ROBO1: variants seen among roughly 807,000 people sequenced by gnomAD.
The protein encoded by ROBO1 is roundabout homolog 1.
ROBO1 carries 149 observed loss-of-function variants against 195.9 expected under a neutral mutation model. The ratio of observed to expected loss-of-function variants is 0.76; its 90% CI spans 0.67 to 0.87. ROBO1 has a LOEUF of 0.87. Among genes scored for constraint, ROBO1 ranks in the 40% least tolerant of loss-of-function variants. The probability of loss-of-function intolerance (pLI) is 0.00; values close to 1 mark genes in which losing one functional copy is unlikely to be tolerated. For missense variants in ROBO1, 1,933 were observed against 2,068.3 expected, an observed-to-expected ratio of 0.93 and a Z score of 1.27; for synonymous variants, 816 against 733.2, an observed-to-expected ratio of 1.11 and a Z score of -1.82.
intron 4 of ROBO1, among the ~76,000 whole-genome samples, chr3:78,927,049 G>A (rs2039263295): frequency 6.6e-6 from 1 of 152,050 alleles, no homozygotes; most frequent in African/African-American, 2.4e-5. Context: ...ATTATAAAAA[G>A]CAAAGTTTAG....
intron 4 of ROBO1, among the ~76,000 whole-genome samples, chr3:78,763,127 G>T (rs2083147140): frequency 6.6e-6 from 1 of 152,052 alleles, no homozygotes; most frequent in Admixed American, 6.6e-5. Flanking sequence ...ATCTAACAGG[G>T]ATAAGATACA....
chr3:79,594,316 A>C (rs888781529), intron 1 of ROBO1, among the ~76,000 whole-genome samples: 2 of 152,014 alleles, frequency 1.3e-5, no homozygotes, highest in South Asian at 2.1e-4. Flanking sequence ...AAAAAGCACA[A>C]CACCTTTGAA....
chr3:79,463,635 C>A (rs1473780357), intron 2 of ROBO1, among the ~76,000 whole-genome samples: 1 of 152,022 alleles, frequency 6.6e-6, no homozygotes, highest in Non-Finnish European at 1.5e-5. Context: ...AATCTGCTAA[C>A]CGAAAAAGAT....
intron 1 of ROBO1, among the ~76,000 whole-genome samples, chr3:79,679,121 T>C (rs4856564): frequency 0.91 from 137,649 of 152,062 alleles, 62,472 homozygotes; most frequent in African/African-American, 0.96. Flanking sequence ...AATTAACAAT[T>C]AGTAACATTT....
rs1553747415 is a variant in ROBO1, at chr3:78,849,831, T to TACACATACACACAC, written c.499+88769_499+88770insGTGTGTGTATGTGT. On this transcript the variant is annotated intron_variant, in intron 4 of 30. Coordinates refer to ENST00000464233, the MANE Select transcript of ROBO1 (RefSeq NM_002941.4). ...TTTACAGTCAGTCTCTCTCTCCCATTACACACACACACACACACACACACA... is the reference window on the plus strand; with the variant it reads ...TTTACAGTCAGTCTCTCTCTCCCATTACACATACACACACACACACACACACACACACACACACA... Among the ~76,000 whole-genome samples the TACACATACACACAC allele has an allele frequency of 2.4e-3, 188 of 79,704 alleles. 1 individual carries two copies. Among genetic ancestry groups the TACACATACACACAC allele is most frequent in the African/African-American group, 5.9e-3 (169 of 28,874 alleles). 52.3% of individuals were successfully genotyped at this position (79,704 alleles called of 152,430 possible).
intron 2 of ROBO1, among the ~76,000 whole-genome samples, chr3:79,215,679 C>G (rs2082044145): frequency 6.6e-6 from 1 of 152,162 alleles, no homozygotes; most frequent in Admixed American, 6.5e-5. Context: ...AAATTAAAGT[C>G]TGATTGGTGA....
At chr3:78,986,770 T>C (rs1334061599) in intron 3 of ROBO1, among the ~76,000 whole-genome samples, 2 of 152,132 alleles carry the variant, frequency 1.3e-5, no homozygotes, top group African/African-American at 2.4e-5. Context: ...TTCTGAATAC[T>C]GGGGTTGACG....
At chr3:79,656,627 G>A (rs968675071) in intron 1 of ROBO1, among the ~76,000 whole-genome samples, 2 of 151,946 alleles carry the variant, frequency 1.3e-5, no homozygotes, top group Non-Finnish European at 2.9e-5. Context: ...GGAGGGATGG[G>A]CTCATATCTA....
At chr3:78,943,097 TC>T (rs895157789) in intron 3 of ROBO1, among the ~76,000 whole-genome samples, 10 of 151,812 alleles carry the variant, frequency 6.6e-5, no homozygotes, top group South Asian at 4.2e-4. Context: ...GCGCCTGTAG[TC>T]CCAGCTACTC....
intron 2 of ROBO1, among the ~76,000 whole-genome samples, chr3:79,374,020 C>T (rs1249371268): frequency 1.3e-5 from 2 of 151,980 alleles, no homozygotes; most frequent in Non-Finnish European, 2.9e-5. Flanking sequence ...GTAATTGTAT[C>T]ATAAGATTCT....
rs558483421 is a variant in ROBO1, at chr3:79,425,660, CA to C, written c.88+164163del. ...AAGAATCTGTTGAAGGAGCAAAGAC[CA>C]TGACTAAGGAAAACATACAATGAGA... On this transcript the variant is annotated intron_variant, in intron 2 of 30. Transcript: ENST00000464233. 2.9e-3 allele frequency among the ~76,000 whole-genome samples: 435 copies of C among 151,826 alleles called. 2 individuals are homozygous for C. The highest frequency in any genetic ancestry group is 9.1e-3 in the African/African-American group (377 of 41,432).
chr3:79,280,853 A>T (rs2031451772), intron 2 of ROBO1, among the ~76,000 whole-genome samples: 1 of 152,144 alleles, frequency 6.6e-6, no homozygotes, highest in South Asian at 2.1e-4. Context: ...ATGAGAATCT[A>T]ATGTCTCCGC....
chr3:79,149,602 A>G (rs2080724828), intron 2 of ROBO1, among the ~76,000 whole-genome samples: 1 of 151,556 alleles, frequency 6.6e-6, no homozygotes, highest in Admixed American at 6.6e-5. Context: ...GGTGAAAGGG[A>G]CTCAGGTAAA....
At chr3:78,640,922 T>C (rs997896259) in intron 21 of ROBO1, among the ~76,000 whole-genome samples, 1 of 152,208 alleles carries the variant, frequency 6.6e-6, no homozygotes, top group Non-Finnish European at 1.5e-5. Context: ...TCACCTTCCA[T>C]GGTTCTTATT....
chr3:79,621,960 A>C (rs1945022340), intron 1 of ROBO1, among the ~76,000 whole-genome samples: 1 of 152,172 alleles, frequency 6.6e-6, no homozygotes, highest in Non-Finnish European at 1.5e-5. Context: ...TCCCATAAAA[A>C]AATAATAATG....
In ROBO1 at chr3:79,603,499, G is replaced by C. The variant is rs116587789; in HGVS notation, c.-50-13538C>G. Among the ~76,000 whole-genome samples, 1,237 of 152,062 alleles carry C rather than the reference G, an allele frequency of 8.1e-3. 9 individuals are homozygous for C. The highest frequency in any genetic ancestry group is 0.014 in the Non-Finnish European group (929 of 67,944). ...TATCCTGAGATGTGAGTATATGTGA[G>C]TAATCACTTGAGATCAACTGCTGCT... is the stretch of plus-strand genomic sequence containing the variant. On this transcript the variant is annotated intron_variant, in intron 1 of 30. Coordinates refer to ENST00000464233, the MANE Select transcript of ROBO1 (RefSeq NM_002941.4).
intron 2 of ROBO1, among the ~76,000 whole-genome samples, chr3:79,510,182 C>T (rs1298107157): frequency 2.0e-5 from 3 of 152,094 alleles, no homozygotes; most frequent in Admixed American, 2.0e-4. Flanking sequence ...TACCATAATC[C>T]CCACGTCATG....
intron 10 of ROBO1, among the ~76,000 whole-genome samples, chr3:78,680,490 AAAAC>A (rs2080870761): frequency 6.6e-6 from 1 of 152,216 alleles, no homozygotes; most frequent in South Asian, 2.1e-4. Context: ...TTACAAGAAA[AAAAC>A]AAACAACCCC....
intron 2 of ROBO1, among the ~76,000 whole-genome samples, chr3:79,317,857 A>G (rs1173437764): frequency 2.0e-5 from 3 of 150,572 alleles, no homozygotes; most frequent in Non-Finnish European, 4.4e-5. Flanking sequence ...TCTGTGTTAT[A>G]CACACACACA....
Sources: allele counts gnomAD v4.1 joint callset (sites outside exome capture counted in the v4.1 genomes callset), GRCh38; gene constraint gnomAD v4.1.1; transcripts MANE v1.5; gene names NCBI Gene and HGNC (gene_info 2026-07-23, HGNC 2026-07-21).